BACE2: variants seen among roughly 807,000 people sequenced by gnomAD.
BACE2 encodes the protein beta-secretase 2, also known as 56 kDa aspartic-like protease.
A neutral mutation model predicts 46.2 loss-of-function variants in BACE2; 17 were observed. The observed-to-expected ratio is 0.37, with a 90% CI of 0.25 to 0.55. The LOEUF is 0.55. BACE2 is among the 20% of genes least tolerant of loss of function. The pLI, the probability that BACE2 is intolerant of heterozygous loss-of-function variation, is 0.82. For missense variants in BACE2, 595 were observed against 698.1 expected, an observed-to-expected ratio of 0.85 and a Z score of 1.66; for synonymous variants, 277 against 295.9, an observed-to-expected ratio of 0.94 and a Z score of 0.66.
At chr21:41,202,559 G>A (rs1159925255) in intron 1 of BACE2, among the ~76,000 whole-genome samples, 3 of 152,206 alleles carry the variant, frequency 2.0e-5, no homozygotes, top group Non-Finnish European at 4.4e-5. Context: ...TTTATTTCTG[G>A]ATAGGCCATC....
rs918692060 is a variant in BACE2 at position 41,280,734 on chromosome 21, A to G, written c.*5110A>G. On this transcript the variant is annotated 3_prime_UTR_variant, in exon 9 of 9. Transcript: ENST00000330333. ...GTTGCATCAGTGGCTGGAATCTATC[A>G]CAGCTGTTGGGGATACGTAACTCCC... 4 of 152,152 alleles carry G rather than the reference A, an allele frequency of 2.6e-5. No homozygotes were observed. Among genetic ancestry groups the G allele is most frequent in the African/African-American group, 9.7e-5 (4 of 41,424 alleles). 9.4% of individuals were successfully genotyped at this position (152,152 alleles called of 1,614,324 possible).
At chr21:41,179,548 GGTGA>G (rs776307623) in intron 1 of BACE2, 4 of 1,366,888 alleles carry the variant, frequency 2.9e-6, no homozygotes, top group Non-Finnish European at 3.9e-6. Flanking sequence ...AGGGTGTCAG[GGTGA>G]GTGAGGGTGT....
At chr21:41,248,951 C>T (rs573172834) in intron 6 of BACE2, among the ~76,000 whole-genome samples, 1 of 152,348 alleles carries the variant, frequency 6.6e-6, no homozygotes, top group African/African-American at 2.4e-5. Flanking sequence ...TGCCCCTCCT[C>T]GTGGAGCCTC....
intron 1 of BACE2, among the ~76,000 whole-genome samples, chr21:41,195,469 C>G (rs1307657806): frequency 1.3e-5 from 2 of 152,220 alleles, no homozygotes; most frequent in Non-Finnish European, 2.9e-5. Context: ...GCTGTGCAGT[C>G]AAATACAGAA....
chr21:41,195,914 AT>A (rs749419111), intron 1 of BACE2, among the ~76,000 whole-genome samples: 25 of 152,214 alleles, frequency 1.6e-4, no homozygotes, highest in Non-Finnish European at 3.1e-4. Context: ...TTAAAATGTT[AT>A]TCCATCATAT....
chr21:41,222,870 G>A (rs779032628), intron 1 of BACE2, among the ~76,000 whole-genome samples: 1 of 152,168 alleles, frequency 6.6e-6, no homozygotes, highest in Non-Finnish European at 1.5e-5. Context: ...GGAAGCCCTA[G>A]GGATCACCTC....
rs116769535 is a variant in BACE2, at chr21:41,267,949, C to T, written c.1304-7422C>T. Among the ~76,000 whole-genome samples the T allele has an allele frequency of 1.0e-3, 152 of 152,204 alleles. 1 individual carries two copies. The highest frequency in any genetic ancestry group is 3.3e-3 in the African/African-American group (139 of 41,510). ...GTATGCTATAGGGAAAAAGACCTGA[C>T]CATTATAATTTTTATCCTTGGTAAA... On this transcript the variant is annotated intron_variant, in intron 8 of 8. Transcript: ENST00000330333.
At chr21:41,195,464 G>A (rs1286742971) in intron 1 of BACE2, among the ~76,000 whole-genome samples, 2 of 152,216 alleles carry the variant, frequency 1.3e-5, no homozygotes, top group African/African-American at 2.4e-5. Flanking sequence ...AACCAGCTGT[G>A]CAGTCAAATA....
At chr21:41,271,740 T>A (rs1052685465) in intron 8 of BACE2, among the ~76,000 whole-genome samples, 2 of 152,222 alleles carry the variant, frequency 1.3e-5, no homozygotes, top group Non-Finnish European at 2.9e-5. Flanking sequence ...CTAAGAGCCT[T>A]CCAACAATAG....
intron 8 of BACE2, among the ~76,000 whole-genome samples, chr21:41,258,896 A>G (rs776054759): frequency 1.3e-4 from 20 of 152,330 alleles, no homozygotes; most frequent in African/African-American, 4.6e-4. Flanking sequence ...TAGCCTGTTC[A>G]GTTATCATTG....
intron 1 of BACE2, among the ~76,000 whole-genome samples, chr21:41,197,714 C>T (rs1985791649): frequency 6.6e-6 from 1 of 151,992 alleles, no homozygotes; most frequent in South Asian, 2.1e-4. Context: ...TACTGATTGA[C>T]ATTAGGAAAT....
At chr21:41,175,589 T>G (rs1026315018) in intron 1 of BACE2, 10 of 151,828 alleles carry the variant, frequency 6.6e-5, no homozygotes, top group African/African-American at 2.4e-4. Context: ...ACCAGACTGG[T>G]GCAGTGTGCC....
At chr21:41,261,618 G>A (rs1039042974) in intron 8 of BACE2, among the ~76,000 whole-genome samples, 1 of 151,916 alleles carries the variant, frequency 6.6e-6, no homozygotes, top group African/African-American at 2.4e-5. Flanking sequence ...ACTATGCCCT[G>A]TGCCTTATTT....
At chr21:41,197,871 A>G (rs1216925982) in intron 1 of BACE2, among the ~76,000 whole-genome samples, 1 of 152,212 alleles carries the variant, frequency 6.6e-6, no homozygotes, top group Non-Finnish European at 1.5e-5. Context: ...GCCCTGAACC[A>G]GTGTACTAAG....
chr21:41,228,345 C>T (rs1237200080), intron 2 of BACE2, among the ~76,000 whole-genome samples: 1 of 152,218 alleles, frequency 6.6e-6, no homozygotes, highest in Non-Finnish European at 1.5e-5. Context: ...AGCTGACTTA[C>T]ACTCACACAC....
intron 1 of BACE2, 108 bp from the exon 2 acceptor site, chr21:41,226,153 TCCAAC>T: frequency 1.3e-6 from 1 of 792,156 alleles, no homozygotes. Context: ...TTTTTTTTGT[TCCAAC>T]TGATAAATTA....
intron 1 of BACE2, among the ~76,000 whole-genome samples, chr21:41,213,018 G>A (rs1986346757): frequency 6.6e-6 from 1 of 152,172 alleles, no homozygotes; most frequent in Non-Finnish European, 1.5e-5. Flanking sequence ...CCAACTTCTT[G>A]GCAGGTTTGT....
At chr21:41,189,764 A>C (rs1443234469) in intron 1 of BACE2, among the ~76,000 whole-genome samples, 1 of 152,222 alleles carries the variant, frequency 6.6e-6, no homozygotes, top group East Asian at 1.9e-4. Context: ...AGGGGAACAG[A>C]ATAGGAGATA....
intron 1 of BACE2, among the ~76,000 whole-genome samples, chr21:41,222,839 G>A (rs1032067291): frequency 2.0e-5 from 3 of 152,162 alleles, no homozygotes; most frequent in Non-Finnish European, 1.5e-5. Context: ...CCTGGTGGCT[G>A]GATGTGGGCC....
Sources: allele counts gnomAD v4.1 joint callset (sites outside exome capture counted in the v4.1 genomes callset), GRCh38; gene constraint gnomAD v4.1.1; transcripts MANE v1.5; gene names NCBI Gene and HGNC (gene_info 2026-07-23, HGNC 2026-07-21).